PRKG1: variants seen among roughly 807,000 people sequenced by gnomAD.
The protein encoded by PRKG1 is cGMP-dependent protein kinase 1.
PRKG1 carries 35 observed loss-of-function variants against 88.1 expected under a neutral mutation model. The observed-to-expected ratio is 0.40, with a 90% CI of 0.30 to 0.53. PRKG1 has a LOEUF of 0.53. Among genes scored for constraint, PRKG1 ranks in the 20% least tolerant of loss-of-function variants. PRKG1 has a pLI of 0.59. For missense variants in PRKG1, 540 were observed against 839.8 expected (o/e 0.64, Z 4.41); for synonymous variants, 303 against 292.5 (o/e 1.04, Z -0.37).
chr10:52,131,943 A>T (rs983714239), intron 7 of PRKG1, among the ~76,000 whole-genome samples: 1 of 151,418 alleles, frequency 6.6e-6, no homozygotes, highest in African/African-American at 2.4e-5. Context: ...TAGAGTTAAG[A>T]TGATGTAGTA....
At position 51,115,667 on chromosome 10, in the gene PRKG1, G is replaced by A. The variant is rs144735821; in HGVS notation, c.312-37497G>A. Among the ~76,000 whole-genome samples, 317 of 151,376 alleles carry A rather than the reference G, an allele frequency of 2.1e-3. 1 individual carries two copies. Among genetic ancestry groups the A allele is most frequent in the African/African-American group, 7.3e-3 (301 of 41,360 alleles). On this transcript the variant is annotated intron_variant, in intron 1 of 17. Transcript: ENST00000373980. ...ATCCTGGCCAACATGGTGAAACCCCGTCTCTATTAAAAATACAAAAATTAG... is the reference window on the plus strand; with the variant it reads ...ATCCTGGCCAACATGGTGAAACCCCATCTCTATTAAAAATACAAAAATTAG...
chr10:51,957,716 T>G (rs927214639), intron 5 of PRKG1, among the ~76,000 whole-genome samples: 1 of 152,220 alleles, frequency 6.6e-6, no homozygotes, highest in Admixed American at 6.5e-5. Context: ...ACCTTATAAT[T>G]TACAAAATAT....
intron 1 of PRKG1, among the ~76,000 whole-genome samples, chr10:51,106,963 A>G (rs1471029601): frequency 2.6e-5 from 4 of 152,238 alleles, no homozygotes; most frequent in Admixed American, 1.3e-4. Flanking sequence ...TAAAAATAAA[A>G]TACAAGTAAG....
At chr10:51,596,031 A>G (rs375118202) in intron 3 of PRKG1, among the ~76,000 whole-genome samples, 5 of 151,858 alleles carry the variant, frequency 3.3e-5, no homozygotes, top group Admixed American at 1.3e-4. Flanking sequence ...GGGTTTCACT[A>G]TTTTGGTCAG....
At chr10:51,690,034 T>C (rs1308718901) in intron 3 of PRKG1, among the ~76,000 whole-genome samples, 2 of 152,132 alleles carry the variant, frequency 1.3e-5, no homozygotes, top group Non-Finnish European at 2.9e-5. Context: ...GGAAGCATGA[T>C]GCTGGCATTG....
Position 52,204,073 on chromosome 10 carries a change from GTTATTATTA to G in PRKG1, c.1076+42137_1076+42145del, listed in dbSNP as rs140296072. ...GATCCTGTCACCATGTTGTTCGCTG[GTTATTATTA>G]TTATTATTATTATTATTATTATTAT... On this transcript the variant is annotated intron_variant, in intron 9 of 17. Coordinates refer to ENST00000373980, the MANE Select transcript of PRKG1 (RefSeq NM_006258.4). 4.2e-4 allele frequency among the ~76,000 whole-genome samples: 32 copies of G among 75,360 alleles called. 1 individual carries two copies. The highest frequency in any genetic ancestry group is 8.1e-4 in the African/African-American group (24 of 29,628). 49.4% of individuals were successfully genotyped at this position (75,360 alleles called of 152,430 possible).
chr10:51,954,499 T>G (rs1843257491), intron 5 of PRKG1, among the ~76,000 whole-genome samples: 3 of 152,188 alleles, frequency 2.0e-5, no homozygotes, highest in African/African-American at 7.2e-5. Flanking sequence ...AACTCTATAT[T>G]TTACACACAG....
intron 9 of PRKG1, among the ~76,000 whole-genome samples, chr10:52,175,131 G>A (rs150416286): frequency 4.6e-5 from 7 of 151,862 alleles, no homozygotes; most frequent in Middle Eastern, 3.4e-3. Flanking sequence ...CTCCTTGTCC[G>A]CCATTTTCTC....
chr10:52,221,243 C>T (rs1382115292), intron 9 of PRKG1, among the ~76,000 whole-genome samples: 4 of 151,928 alleles, frequency 2.6e-5, no homozygotes, highest in Admixed American at 6.6e-5. Flanking sequence ...GAATTACTCC[C>T]GATTCTTGCC....
chr10:51,467,593 G>C lies in PRKG1; in HGVS notation c.479-130G>C, dbSNP rs532375993. 57 of 617,136 alleles carry C rather than the reference G, an allele frequency of 9.2e-5. No homozygotes were observed. In the African/African-American group the frequency reaches 1.0e-3, roughly 11 times the overall value. 38.2% of individuals were successfully genotyped at this position (617,136 alleles called of 1,614,324 possible). On this transcript the variant is annotated intron_variant, in intron 2 of 17. Coordinates refer to ENST00000373980, the MANE Select transcript of PRKG1 (RefSeq NM_006258.4). ...TTTGTTTTATTTCTTGCGCTGCCTC[G>C]TGGTGACTTTGTTTTAATTGGTAAC...
intron 2 of PRKG1, among the ~76,000 whole-genome samples, chr10:51,425,842 T>C (rs1170127491): frequency 6.6e-6 from 1 of 152,214 alleles, no homozygotes; most frequent in Non-Finnish European, 1.5e-5. Context: ...CAGCCATACA[T>C]ATGTCAGCAG....
chr10:51,167,043 A>G (rs935192624), intron 2 of PRKG1, among the ~76,000 whole-genome samples: 1 of 152,236 alleles, frequency 6.6e-6, no homozygotes, highest in Non-Finnish European at 1.5e-5. Context: ...AGGACATTAC[A>G]GTGAACAACA....
intron 2 of PRKG1, among the ~76,000 whole-genome samples, chr10:51,212,848 A>T (rs1008562426): frequency 1.3e-5 from 2 of 152,184 alleles, no homozygotes; most frequent in African/African-American, 4.8e-5. Flanking sequence ...AAGAAATAGG[A>T]ACACTTTTAC....
chr10:51,027,212 A>G (rs1265625844), intron 1 of PRKG1, among the ~76,000 whole-genome samples: 1 of 152,214 alleles, frequency 6.6e-6, no homozygotes, highest in African/African-American at 2.4e-5. Context: ...TGCTGGGGAA[A>G]TGTTGATGAA....
At chr10:51,270,644 A>G (rs1839954662) in intron 2 of PRKG1, among the ~76,000 whole-genome samples, 1 of 150,858 alleles carries the variant, frequency 6.6e-6, no homozygotes, top group African/African-American at 2.4e-5. Context: ...TCACTGTTGT[A>G]TGCTTTTCTC....
intron 1 of PRKG1, among the ~76,000 whole-genome samples, chr10:51,142,605 T>C (rs1845844499): frequency 6.6e-6 from 1 of 152,066 alleles, no homozygotes; most frequent in Non-Finnish European, 1.5e-5. Flanking sequence ...AAAAAGTGTT[T>C]TATTGCAGGC....
chr10:51,112,608 T>C (rs74131747), intron 1 of PRKG1, among the ~76,000 whole-genome samples: 5,473 of 152,240 alleles, frequency 0.036, 256 homozygotes, highest in African/African-American at 0.11. Flanking sequence ...AGGTTTGAAC[T>C]AGATCTGGAT....
chr10:51,164,154 G>T (rs886717526), intron 2 of PRKG1, among the ~76,000 whole-genome samples: 3 of 152,166 alleles, frequency 2.0e-5, no homozygotes, highest in Non-Finnish European at 4.4e-5. Flanking sequence ...CCCCCAGTAG[G>T]GGCAGACTGA....
chr10:51,900,135 A>G (rs1030435430), intron 4 of PRKG1, among the ~76,000 whole-genome samples: 6 of 152,210 alleles, frequency 3.9e-5, no homozygotes, highest in African/African-American at 1.4e-4. Flanking sequence ...GTATTCTATT[A>G]TAGCAATGCA....
Sources: gnomAD v4.1 joint callset for allele counts (sites outside exome capture counted in the v4.1 genomes callset) on GRCh38, gnomAD v4.1.1 for gene constraint, MANE v1.5 for transcripts, NCBI Gene and HGNC (gene_info 2026-07-23, HGNC 2026-07-21) for gene names.